KIAA1217: variants seen among roughly 807,000 people sequenced by gnomAD.
KIAA1217 encodes KIAA1217.
KIAA1217 carries 88 observed loss-of-function variants against 163.9 expected under a neutral mutation model. The observed-to-expected ratio is 0.54, with a 90% CI of 0.45 to 0.64. The LOEUF is 0.64. Among genes scored for constraint, KIAA1217 ranks in the 30% least tolerant of loss-of-function variants. The pLI is 0.00. For synonymous variants in KIAA1217, 903 were observed against 923.1 expected (o/e 0.98, Z 0.39); for missense variants, 2,372 against 2,475.0 (o/e 0.96, Z 0.88).
chr10:23,795,507 G>C (rs1836157758), intron 1 of KIAA1217, among the ~76,000 whole-genome samples: 1 of 152,178 alleles, frequency 6.6e-6, no homozygotes, highest in Non-Finnish European at 1.5e-5. Context: ...GCTTTTAAAG[G>C]CAGGGTACAT....
intron 1 of KIAA1217, among the ~76,000 whole-genome samples, chr10:23,819,257 C>T (rs1837506278): frequency 6.6e-6 from 1 of 152,140 alleles, no homozygotes; most frequent in Non-Finnish European, 1.5e-5. Flanking sequence ...GATAGGGCCA[C>T]ATGACTAGGT....
At chr10:24,494,741 G>A (rs2066562562) in intron 7 of KIAA1217, 137 bp downstream of exon 7, 1 of 696,794 alleles carries the variant, frequency 1.4e-6, no homozygotes, top group South Asian at 2.0e-5. Context: ...TGGATCATGG[G>A]CGTTATTTTT....
Position 24,117,574 on chromosome 10 carries a change from G to A in KIAA1217, c.-170-102052G>A, listed in dbSNP as rs369511603. ...CACTTGAGCCCAGGAGGTTGAGGCT[G>A]CAGTGAGCTGAAATCATGCCACTGC... On this transcript the variant is annotated intron_variant, in intron 2 of 18. Transcript: ENST00000376462. Among the ~76,000 whole-genome samples, 3 of 152,272 alleles carry A rather than the reference G, an allele frequency of 2.0e-5. 1 individual carries two copies. The highest frequency in any genetic ancestry group is 3.9e-4 in the East Asian group (2 of 5,146).
In KIAA1217 at chr10:23,845,664, T is replaced by G. The variant is rs139816007; in HGVS notation, c.-321+150430T>G. 4.8e-3 allele frequency among the ~76,000 whole-genome samples: 736 copies of G among 152,296 alleles called. 10 individuals carry two copies. Among genetic ancestry groups the G allele is most frequent in the African/African-American group, 0.016 (664 of 41,576 alleles). On this transcript the variant is annotated intron_variant, in intron 1 of 18. Transcript: ENST00000376462. ...TGTCAGACGGATAGATTGCAAAAAA[T>G]TTCTCCCATTCTGTAGGTTGCCTGT... is the stretch of plus-strand genomic sequence containing the variant.
intron 2 of KIAA1217, among the ~76,000 whole-genome samples, chr10:24,149,136 G>A (rs536198769): frequency 6.6e-6 from 1 of 152,196 alleles, no homozygotes; most frequent in East Asian, 1.9e-4. Flanking sequence ...TTATAGAAAA[G>A]TATAATATAA....
intron 1 of KIAA1217, among the ~76,000 whole-genome samples, chr10:23,821,979 C>T (rs1353389825): frequency 2.0e-5 from 3 of 152,212 alleles, no homozygotes; most frequent in African/African-American, 7.2e-5. Context: ...CCTGAAGCCC[C>T]TGCTGCTTGT....
At chr10:23,937,782 A>G (rs960858588) in intron 1 of KIAA1217, among the ~76,000 whole-genome samples, 11 of 152,328 alleles carry the variant, frequency 7.2e-5, no homozygotes, top group African/African-American at 2.6e-4. Flanking sequence ...TGGTGAAAAT[A>G]TAAGAAATAA....
intron 3 of KIAA1217, among the ~76,000 whole-genome samples, chr10:24,387,080 G>C (rs575127401): frequency 2.1e-4 from 32 of 152,196 alleles, no homozygotes; most frequent in African/African-American, 7.7e-4. Flanking sequence ...GAAAATGTCA[G>C]AGCAGGCAGA....
intron 2 of KIAA1217, among the ~76,000 whole-genome samples, chr10:24,363,131 C>T (rs1437913505): frequency 6.6e-6 from 1 of 151,984 alleles, no homozygotes; most frequent in African/African-American, 2.4e-5. Context: ...TATAGAAAAC[C>T]CTGAAATAGA....
chr10:24,218,325 A>G (rs11013980), intron 1 of KIAA1217, among the ~76,000 whole-genome samples: 37,167 of 151,744 alleles, frequency 0.24, 5,432 homozygotes, highest in East Asian at 0.34. Flanking sequence ...ATCTGTTCTT[A>G]GCAGAAACCA....
intron 2 of KIAA1217, among the ~76,000 whole-genome samples, chr10:24,015,708 T>C (rs1847448358): frequency 6.7e-6 from 1 of 150,374 alleles, no homozygotes; most frequent in Admixed American, 6.7e-5. Context: ...TGAGCCAAGA[T>C]TGTGCCACTA....
chr10:23,911,662 G>T (rs1219677872), intron 1 of KIAA1217, among the ~76,000 whole-genome samples: 4 of 152,132 alleles, frequency 2.6e-5, no homozygotes, highest in African/African-American at 9.7e-5. Context: ...AACTGGACTG[G>T]CATCACCCAG....
chr10:24,150,231 G>A (rs984923949), intron 2 of KIAA1217, among the ~76,000 whole-genome samples: 1 of 152,088 alleles, frequency 6.6e-6, no homozygotes, highest in Non-Finnish European at 1.5e-5. Flanking sequence ...TGGCCAGGCT[G>A]GTCTTGAACT....
intron 2 of KIAA1217, among the ~76,000 whole-genome samples, chr10:24,171,196 G>A (rs2065613250): frequency 6.6e-6 from 1 of 152,202 alleles, no homozygotes; most frequent in East Asian, 1.9e-4. Flanking sequence ...AAATGGGTTT[G>A]TGATGACATT....
intron 2 of KIAA1217, among the ~76,000 whole-genome samples, chr10:24,355,665 A>G (rs2048992615): frequency 6.9e-6 from 1 of 143,994 alleles, no homozygotes; most frequent in African/African-American, 2.5e-5. Flanking sequence ...ACTGAAGCCA[A>G]GTGTTGTAGG....
At chr10:24,423,528 C>G (rs537979596) in intron 3 of KIAA1217, among the ~76,000 whole-genome samples, 1 of 152,044 alleles carries the variant, frequency 6.6e-6, no homozygotes, top group African/African-American at 2.4e-5. Flanking sequence ...GGCACCATCT[C>G]GGCTCACTGC....
intron 1 of KIAA1217, among the ~76,000 whole-genome samples, chr10:23,757,512 T>C (rs543431198): frequency 1.3e-5 from 2 of 152,220 alleles, no homozygotes; most frequent in East Asian, 3.9e-4. Flanking sequence ...TCTTTTCTTT[T>C]CTTATTATTT....
chr10:23,796,722 G>A (rs1341852207), intron 1 of KIAA1217, among the ~76,000 whole-genome samples: 1 of 151,994 alleles, frequency 6.6e-6, no homozygotes, highest in East Asian at 1.9e-4. Flanking sequence ...CCAGGGTCTG[G>A]ACCTTCAAAT....
intron 1 of KIAA1217, among the ~76,000 whole-genome samples, chr10:23,953,062 A>T (rs182410422): frequency 6.4e-4 from 98 of 152,344 alleles, no homozygotes; most frequent in Admixed American, 2.0e-3. Context: ...AACTTCTAGA[A>T]TTCTGATCAG....
Sources: allele counts gnomAD v4.1 joint callset (sites outside exome capture counted in the v4.1 genomes callset), GRCh38; gene constraint gnomAD v4.1.1; transcripts MANE v1.5; gene names NCBI Gene and HGNC (gene_info 2026-07-23, HGNC 2026-07-21).